The following CTU1 variants were observed in gnomAD, a reference collection of about 807,000 sequenced individuals.
CTU1 encodes cytoplasmic tRNA 2-thiolation protein 1.
In CTU1, 15 loss-of-function variants were observed where a neutral mutation model predicts 12.9. The observed-to-expected ratio is 1.16, with a 90% confidence interval of 0.78 to 1.79. The LOEUF (loss-of-function observed/expected upper bound fraction) is 1.79. Among genes scored for constraint, CTU1 ranks in the 40% most tolerant of loss-of-function variants. The probability of loss-of-function intolerance (pLI) is 0.00; values close to 1 mark genes in which losing one functional copy is unlikely to be tolerated. For missense variants in CTU1, 553 were observed against 550.5 expected (o/e 1.00, Z -0.05); for synonymous variants, 295 against 275.6 (o/e 1.07, Z -0.70).
In CTU1 at chr19:51,102,291, C is replaced by T. The variant is rs151170736; in HGVS notation, c.508+1771G>A. 3.4e-3 allele frequency among the ~76,000 whole-genome samples: 525 copies of T among 152,332 alleles called. 4 individuals carry two copies. Among genetic ancestry groups the T allele is most frequent in the African/African-American group, 0.012 (501 of 41,586 alleles). On this transcript the variant is annotated intron_variant, in intron 2 of 2. Coordinates refer to ENST00000421832, the MANE Select transcript of CTU1 (RefSeq NM_145232.4). ...GTGCTGGGATTACAGGTGTGAGCCA[C>T]TGTGCCCGGCCGAAGCCTTTCATTC...
Position 51,098,730 on chromosome 19 carries a change from G to C in CTU1, c.918C>G (p.Asp306Glu). Reference protein sequence around the residue: ...RALCQACALLDGLNRGRPRLA... With the variant: ...RALCQACALLEGLNRGRPRLA... Reference sequence around the variant, plus strand: ...GGCGGGGCCGGCCGCGGTTCAGGCCGTCCAGGAGCGCGCAGGCCTGGCAGA... The same window carrying C: ...GGCGGGGCCGGCCGCGGTTCAGGCCCTCCAGGAGCGCGCAGGCCTGGCAGA... The change falls in exon 3 of 3, where the codon GAC (aspartate) becomes GAG (glutamate). Residue 306 changes from aspartate (D) to glutamate (E), a missense_variant. By Grantham distance (45) the Asp-to-Glu change is conservative. Transcript: ENST00000421832. The surrounding 1 kb of genome is among the most constrained non-coding windows in gnomAD (Gnocchi z 4.3). 2.4e-6 allele frequency: 3 copies of C among 1,230,328 alleles called. No individual in the cohort carries two copies. Among genetic ancestry groups the C allele is most frequent in the Non-Finnish European group, 3.1e-6 (3 of 979,476 alleles). The allele number at this position is 1,230,328 out of a possible 1,614,324, so 76.2% of individuals were successfully genotyped here.
chr19:51,099,030 G>A lies in CTU1; in HGVS notation c.618C>T (p.Ala206=). The A allele has an allele frequency of 6.6e-7, 1 of 1,512,036 alleles. No individual in the cohort carries two copies. The highest frequency in any genetic ancestry group is 2.6e-5 in the East Asian group (1 of 38,730). 93.7% of individuals were successfully genotyped at this position (1,512,036 alleles called of 1,614,324 possible). A position where few individuals can be genotyped will look rare whatever the true frequency, so the allele number is the denominator to read the frequency against. The change falls in exon 3 of 3, where the codon GCC becomes GCT. Residue 206 remains alanine (A), a synonymous_variant. Coordinates refer to ENST00000421832, the MANE Select transcript of CTU1 (RefSeq NM_145232.4). ...ACTGCAGCGGGCGGCAGCGCGGCAG[G>A]GCGCCCCCCTCGCCGGGAGAGCCCA... The part of the protein sequence containing the change: ...GGLGSPGEGG[A]LPRCRPLQFA...
In CTU1 at chr19:51,097,707, G is replaced by T. The variant is rs919492767; in HGVS notation, c.*894C>A. 1 of 151,630 alleles carries T rather than the reference G, an allele frequency of 6.6e-6. No individual in the cohort carries two copies. Among genetic ancestry groups the T allele is most frequent in the Admixed American group, 6.6e-5 (1 of 15,238 alleles). 9.4% of individuals were successfully genotyped at this position (151,630 alleles called of 1,614,324 possible). A position where few individuals can be genotyped will look rare whatever the true frequency, so the allele number is the denominator to read the frequency against. ...GGGGATGGGGGGGCGGGGGGGAAGG[G>T]GGCTGATTATATTTTCATAGGAGAA... On this transcript the variant is annotated 3_prime_UTR_variant, in exon 3 of 3. Coordinates refer to ENST00000421832, the MANE Select transcript of CTU1 (RefSeq NM_145232.4).
Position 51,104,106 on chromosome 19 carries a change from A to C in CTU1, c.464T>G (p.Leu155Arg). 20 of 1,477,504 alleles carry C rather than the reference A, an allele frequency of 1.4e-5. No homozygotes were observed. Among genetic ancestry groups the C allele is most frequent in the Non-Finnish European group, 1.7e-5 (19 of 1,130,612 alleles). 91.5% of individuals were successfully genotyped at this position (1,477,504 alleles called of 1,614,324 possible). Residue 155 changes from leucine to arginine, a missense_variant, in exon 2 of 3, where the codon CTG becomes CGG. Physicochemically the swap from Leu to Arg is moderately radical, Grantham distance 102. Transcript: ENST00000421832. ...TFCGVLRRRA[L>R]EEGARRVGAT... ...TCCCACGCGGCGCGCCCCTTCCTCC[A>C]GCGCCCGGCGCCGCAGCACTCCACA...
At position 51,098,579 on chromosome 19, in the gene CTU1, C is replaced by G. The variant is rs1436123668; in HGVS notation, c.*22G>C. 8.0e-7 allele frequency: 1 copy of G among 1,256,934 alleles called. No homozygotes were observed. The highest frequency in any genetic ancestry group is 1.0e-6 in the Non-Finnish European group (1 of 998,132). 77.9% of individuals were successfully genotyped at this position (1,256,934 alleles called of 1,614,324 possible). ...CAGCCCCCACCCCGCGGCATCAGAT[C>G]CCGGCGGGAGGCCCGAAGTCGCTAG... On this transcript the variant is annotated 3_prime_UTR_variant, in exon 3 of 3. Transcript: ENST00000421832. The surrounding 1 kb of genome is among the most constrained non-coding windows in gnomAD (Gnocchi z 4.3).
chr19:51,103,412 C>T lies in CTU1; in HGVS notation c.508+650G>A, dbSNP rs183405045. 2.4e-3 allele frequency among the ~76,000 whole-genome samples: 360 copies of T among 152,098 alleles called. 1 individual carries two copies. The highest frequency in any genetic ancestry group is 6.2e-3 in the African/African-American group (257 of 41,512). On this transcript the variant is annotated intron_variant, in intron 2 of 2. Transcript: ENST00000421832. ...CATCCTGGCTAACATGGTGAAACCC[C>T]GTCTCTACTAAAAATACAAAAAATT... is the stretch of plus-strand genomic sequence containing the variant.
In CTU1 at chr19:51,099,378, GGA is replaced by G. The variant is rs1175610268; in HGVS notation, c.509-241_509-240del. ...AGCCAGGATCCAGAGACAGGGAGGG[GGA>G]GAGAGAGCCATGGAGACCCCTAGGG... On this transcript the variant is annotated intron_variant, in intron 2 of 2. Coordinates refer to ENST00000421832, the MANE Select transcript of CTU1 (RefSeq NM_145232.4). 2.0e-5 allele frequency among the ~76,000 whole-genome samples: 3 copies of G among 152,196 alleles called. No homozygotes were observed. In the East Asian group the frequency reaches 5.8e-4, roughly 29 times the overall value.
chr19:51,098,471 G>T lies in CTU1; in HGVS notation c.*130C>A. On this transcript the variant is annotated 3_prime_UTR_variant, in exon 3 of 3. Transcript: ENST00000421832. The surrounding 1 kb of genome is among the most constrained non-coding windows in gnomAD (Gnocchi z 4.3). Reference sequence around the variant, plus strand: ...GGGTCCCAGCTTCTTCAGGGTTTCAGGTGAATGGGCCCCCGTCTCCTTCCC... The same window carrying T: ...GGGTCCCAGCTTCTTCAGGGTTTCATGTGAATGGGCCCCCGTCTCCTTCCC... 1.1e-6 allele frequency: 1 copy of T among 920,054 alleles called. No individual in the cohort carries two copies. The highest frequency in any genetic ancestry group is 1.4e-6 in the Non-Finnish European group (1 of 713,710). 57.0% of individuals were successfully genotyped at this position (920,054 alleles called of 1,614,324 possible).
At position 51,099,020 on chromosome 19, in the gene CTU1, A is replaced by G; in HGVS notation, c.628T>C (p.Cys210Arg). The part of the protein sequence containing the change: ...SPGEGGALPR[C>R]RPLQFASQKE... Reference sequence around the variant, plus strand: ...TGCGAGGCGAACTGCAGCGGGCGGCAGCGCGGCAGGGCGCCCCCCTCGCCG... The same window carrying G: ...TGCGAGGCGAACTGCAGCGGGCGGCGGCGCGGCAGGGCGCCCCCCTCGCCG... The change falls in exon 3 of 3, where the codon TGC (cysteine) becomes CGC (arginine). Residue 210 changes from cysteine to arginine, a missense_variant. Physicochemically the swap from Cys to Arg is radical, Grantham distance 180. Transcript: ENST00000421832. The G allele has an allele frequency of 1.3e-6, 2 of 1,514,122 alleles. No homozygotes were observed. Among genetic ancestry groups the G allele is most frequent in the African/African-American group, 2.8e-5 (2 of 70,438 alleles). 93.8% of individuals were successfully genotyped at this position (1,514,122 alleles called of 1,614,324 possible).
intron 1 of CTU1, among the ~76,000 whole-genome samples, chr19:51,106,403 G>A (rs2091920711): frequency 6.6e-6 from 1 of 152,142 alleles, no homozygotes; most frequent in Non-Finnish European, 1.5e-5. Context: ...CACTCCTTCT[G>A]TGCTCCTGGA....
At position 51,097,702 on chromosome 19, in the gene CTU1, GAA is replaced by G. The variant is rs2091893669; in HGVS notation, c.*897_*898del. On this transcript the variant is annotated 3_prime_UTR_variant, in exon 3 of 3. Coordinates refer to ENST00000421832, the MANE Select transcript of CTU1 (RefSeq NM_145232.4). ...GCGGGGGGGATGGGGGGGCGGGGGGGAAGGGGGCTGATTATATTTTCATAGGA... is the reference window on the plus strand; with the variant it reads ...GCGGGGGGGATGGGGGGGCGGGGGGGGGGGGCTGATTATATTTTCATAGGA... 1 of 123,924 alleles carries G rather than the reference GAA, an allele frequency of 8.1e-6. No homozygotes were observed. The highest frequency in any genetic ancestry group is 1.7e-5 in the Non-Finnish European group (1 of 57,498). 7.7% of individuals were successfully genotyped at this position (123,924 alleles called of 1,614,324 possible).
Position 51,099,080 on chromosome 19 carries a change from C to A in CTU1, c.568G>T (p.Gly190Trp). ...VLMNFLRGDAGRLARGGGLGS... is the reference protein window; with the variant it reads ...VLMNFLRGDAWRLARGGGLGS... ...AGGCCCCCGCCCCGGGCCAGCCGCC[C>A]CGCGTCGCCCCGTAGGAAGTTCATG... Residue 190 changes from glycine (G) to tryptophan (W), a missense_variant, in exon 3 of 3, where the codon GGG (glycine) becomes TGG (tryptophan). Transcript: ENST00000421832. The A allele has an allele frequency of 6.5e-7, 1 of 1,533,354 alleles. No homozygotes were observed. The highest frequency in any genetic ancestry group is 2.4e-5 in the East Asian group (1 of 40,940). 95.0% of individuals were successfully genotyped at this position (1,533,354 alleles called of 1,614,324 possible). A position where few individuals can be genotyped will look rare whatever the true frequency, so the allele number is the denominator to read the frequency against.
chr19:51,105,426 T>A (rs2691253), intron 1 of CTU1, among the ~76,000 whole-genome samples: 83,619 of 151,480 alleles, frequency 0.55, 23,487 homozygotes, highest in East Asian at 0.79. Flanking sequence ...CCACCCAGCC[T>A]AGACTCCAAC....
intron 1 of CTU1, among the ~76,000 whole-genome samples, chr19:51,107,484 G>A (rs1447462125): frequency 2.6e-5 from 4 of 152,098 alleles, no homozygotes; most frequent in African/African-American, 7.2e-5. Flanking sequence ...AGTGGGATTC[G>A]TTTGGCTGCT....
intron 2 of CTU1, among the ~76,000 whole-genome samples, chr19:51,101,779 G>A (rs2091907620): frequency 6.6e-6 from 1 of 152,108 alleles, no homozygotes; most frequent in Non-Finnish European, 1.5e-5. Flanking sequence ...AGGGGAGACT[G>A]GATTTGCTCC....
At chr19:51,102,538 T>C (rs191238796) in intron 2 of CTU1, among the ~76,000 whole-genome samples, 7 of 152,332 alleles carry the variant, frequency 4.6e-5, no homozygotes, top group Admixed American at 6.5e-5. Context: ...GCTGATTCTC[T>C]CCAACCATCA....
At chr19:51,099,868 A>C (rs1235940189) in intron 2 of CTU1, among the ~76,000 whole-genome samples, 2 of 152,170 alleles carry the variant, frequency 1.3e-5, no homozygotes, top group African/African-American at 4.8e-5. Flanking sequence ...GGGGCTGCTA[A>C]TCAGCTGACT....
chr19:51,100,170 T>C (rs1356756099), intron 2 of CTU1, among the ~76,000 whole-genome samples: 2 of 151,852 alleles, frequency 1.3e-5, no homozygotes, highest in South Asian at 4.2e-4. Context: ...CAGCAGGAAT[T>C]GAGAGGGGAA....
intron 2 of CTU1, 30 bp downstream of exon 2, chr19:51,104,032 G>A: frequency 2.1e-6 from 3 of 1,422,810 alleles, no homozygotes; most frequent in Non-Finnish European, 2.7e-6. Flanking sequence ...GCCTCGGAGA[G>A]TGCCGCTCTG....
Sources: gnomAD v4.1 joint callset for allele counts (sites outside exome capture counted in the v4.1 genomes callset) on GRCh38, gnomAD v4.1.1 for gene constraint, Gnocchi (gnomAD v3.1) non-coding constraint, MANE v1.5 for transcripts, NCBI Gene and HGNC (gene_info 2026-07-23, HGNC 2026-07-21) for gene names.